DUXA: variants seen among roughly 807,000 people sequenced by gnomAD.
DUXA encodes the protein double homeobox protein A.
Under a neutral mutation model 27.5 loss-of-function variants are expected in DUXA, and 25 were observed. That is an observed-to-expected ratio of 0.91 (90% CI 0.66 to 1.27). DUXA has a LOEUF of 1.27. DUXA is among the 50% of genes most tolerant of loss of function. The pLI, the probability that DUXA is intolerant of heterozygous loss-of-function variation, is 0.00. For missense variants in DUXA, 247 were observed against 242.9 expected (o/e 1.02, Z -0.11); for synonymous variants, 90 against 80.5 (o/e 1.12, Z -0.63).
chr19:57,160,833 G>A, intron 1 of DUXA, 36 bp from the exon 2 acceptor site: 1 of 1,607,778 alleles, frequency 6.2e-7, no homozygotes, highest in Admixed American at 1.7e-5. Context: ...GCATGTAATA[G>A]GTTAATTTAT....
chr19:57,158,091 C>T lies in DUXA; in HGVS notation c.438+237G>A, dbSNP rs574332082. ...ACTTCTCATTGGGTGTCACGTGCCA[C>T]GCACTGTTCAGGGCCCAAGGAATAC... On this transcript the variant is annotated intron_variant, in intron 4 of 5. Transcript: ENST00000554048. 5.2e-4 allele frequency among the ~76,000 whole-genome samples: 79 copies of T among 152,252 alleles called. 2 individuals are homozygous for T. The highest frequency in any genetic ancestry group is 1.8e-3 in the African/African-American group (75 of 41,536).
intron 4 of DUXA, 24 bp from the exon 5 acceptor site, chr19:57,155,396 T>TAATTTAA: frequency 6.5e-7 from 1 of 1,542,506 alleles, no homozygotes; most frequent in Non-Finnish European, 8.9e-7. Context: ...CAAAGAAACT[T>TAATTTAA]AATTTAAACA....
intron 1 of DUXA, 46 bp from the exon 2 acceptor site, chr19:57,160,843 T>C (rs189972936): frequency 1.2e-6 from 2 of 1,602,094 alleles, no homozygotes; most frequent in East Asian, 2.2e-5. Flanking sequence ...GGTTAATTTA[T>C]ATACTCAAAC....
At chr19:57,161,092 A>C (rs556199657) in intron 1 of DUXA, among the ~76,000 whole-genome samples, 1 of 151,550 alleles carries the variant, frequency 6.6e-6, no homozygotes, top group Non-Finnish European at 1.5e-5. Context: ...TTAGGAGGTC[A>C]AGGTGGTCAG....
At chr19:57,167,327 G>T (rs2087059709) in intron 1 of DUXA, 92 bp downstream of exon 1, 1 of 1,502,570 alleles carries the variant, frequency 6.7e-7, no homozygotes, top group South Asian at 1.2e-5. Flanking sequence ...TTTAAAAATG[G>T]AACTCTCACA....
intron 4 of DUXA, among the ~76,000 whole-genome samples, chr19:57,156,884 T>C (rs2086995556): frequency 6.6e-6 from 1 of 152,170 alleles, no homozygotes; most frequent in African/African-American, 2.4e-5. Context: ...CAGGCTGGTC[T>C]CGAACTCCCG....
At chr19:57,165,318 A>ATATATAT (rs1555759520) in intron 1 of DUXA, among the ~76,000 whole-genome samples, 1 of 97,106 alleles carries the variant, frequency 1.0e-5, no homozygotes, top group Non-Finnish European at 2.3e-5. Context: ...GGAAAAAAAA[A>ATATATAT]AAAAAAATAT....
chr19:57,155,103 T>C (rs2086985818), intron 5 of DUXA, among the ~76,000 whole-genome samples, 164 bp downstream of exon 5: 1 of 152,222 alleles, frequency 6.6e-6, no homozygotes, highest in Non-Finnish European at 1.5e-5. Flanking sequence ...TTCATAGGCC[T>C]GGGAAGAGTC....
chr19:57,160,768 G>T lies in DUXA; in HGVS notation c.55C>A (p.Arg19Ser). 1 of 1,614,074 alleles carries T rather than the reference G, an allele frequency of 6.2e-7. No homozygotes were observed. The highest frequency in any genetic ancestry group is 8.5e-7 in the Non-Finnish European group (1 of 1,180,030). The change falls in exon 2 of 6, where the codon CGC becomes AGC. Residue 19 changes from arginine to serine, a missense_variant. Transcript: ENST00000554048. ...AACTGTTCTTCTGTGAATTTTGTGC[G>T]ACAGCGCCTATGATTTGTTTTTACC... Reference protein sequence around the residue: ...KMVKTNHRRCRTKFTEEQLKI... With the variant: ...KMVKTNHRRCSTKFTEEQLKI...
chr19:57,159,569 T>C (rs968805121), intron 2 of DUXA, among the ~76,000 whole-genome samples: 1 of 152,000 alleles, frequency 6.6e-6, no homozygotes, highest in African/African-American at 2.4e-5. Context: ...TGTGCCATCA[T>C]GCCTGGCTAA....
rs768138259 is a variant in DUXA, at chr19:57,160,650, C to G, written c.173G>C (p.Arg58Thr). ...LALEINTEES[R>T]IQIWFQNRRA... ...TATTGAACTTTAACTTACCTGGATT[C>G]TGGACTCTTCTGTATTGATTTCTAA... Residue 58 changes from arginine (R) to threonine (T), a missense_variant, in exon 2 of 6, where the codon AGA becomes ACA. Transcript: ENST00000554048. 154 of 1,612,332 alleles carry G rather than the reference C, an allele frequency of 9.6e-5. No homozygotes were observed. The South Asian group carries it at 1.5e-3, about 16-fold the overall frequency.
intron 4 of DUXA, among the ~76,000 whole-genome samples, chr19:57,157,277 C>T (rs1033952301): frequency 3.3e-5 from 5 of 152,158 alleles, no homozygotes; most frequent in African/African-American, 1.2e-4. Flanking sequence ...AGGAATGAAT[C>T]CTCGGACAGA....
chr19:57,154,592 C>G (rs1035626966), intron 5 of DUXA, 110 bp from the exon 6 acceptor site: 1 of 842,306 alleles, frequency 1.2e-6, no homozygotes, highest in East Asian at 3.5e-5. Context: ...TAGACGGAGT[C>G]TCACTTTGTC....
At chr19:57,161,368 A>G (rs1242483974) in intron 1 of DUXA, among the ~76,000 whole-genome samples, 13 of 141,368 alleles carry the variant, frequency 9.2e-5, no homozygotes, top group Non-Finnish European at 2.0e-4. Flanking sequence ...TCACACCTGT[A>G]ATCCCAGCAC....
intron 1 of DUXA, among the ~76,000 whole-genome samples, chr19:57,164,604 T>TA (rs1049114711): frequency 1.6e-4 from 24 of 152,090 alleles, no homozygotes; most frequent in Admixed American, 1.4e-3. Flanking sequence ...ATAATTTTTT[T>TA]AAAAAAGGCT....
chr19:57,165,484 G>C (rs1025904463), intron 1 of DUXA, among the ~76,000 whole-genome samples: 3 of 151,578 alleles, frequency 2.0e-5, no homozygotes, highest in African/African-American at 4.8e-5. Context: ...AATTTTTCAA[G>C]TGTTAAAAAA....
At chr19:57,157,610 C>T (rs551313078) in intron 4 of DUXA, among the ~76,000 whole-genome samples, 36 of 152,126 alleles carry the variant, frequency 2.4e-4, no homozygotes, top group South Asian at 1.5e-3. Flanking sequence ...GCATTACAGA[C>T]GTGAGCCACC....
intron 1 of DUXA, among the ~76,000 whole-genome samples, chr19:57,163,026 G>T (rs1951860117): frequency 6.6e-6 from 1 of 151,526 alleles, no homozygotes; most frequent in Admixed American, 6.6e-5. Flanking sequence ...TCATCTCCTT[G>T]ACCTCATCAT....
intron 1 of DUXA, among the ~76,000 whole-genome samples, chr19:57,165,329 A>ATATATATATATATATG (rs1281702786): frequency 9.4e-6 from 1 of 105,920 alleles, no homozygotes; most frequent in Non-Finnish European, 2.2e-5. Flanking sequence ...AAAAAAATAT[A>ATATATATATATATATG]TATATATATA....
Sources: gnomAD v4.1 joint callset for allele counts (sites outside exome capture counted in the v4.1 genomes callset) on GRCh38, gnomAD v4.1.1 for gene constraint, MANE v1.5 for transcripts, NCBI Gene and HGNC (gene_info 2026-07-23, HGNC 2026-07-21) for gene names.